The following TENM3 variants were observed in gnomAD, a reference collection of about 807,000 sequenced individuals.
TENM3 encodes teneurin-3.
TENM3 carries 63 observed loss-of-function variants against 255.1 expected under a neutral mutation model. The ratio of observed to expected loss-of-function variants is 0.25; its 90% confidence interval spans 0.20 to 0.30. The LOEUF (loss-of-function observed/expected upper bound fraction) is 0.30. Among genes scored for constraint, TENM3 ranks in the 10% least tolerant of loss-of-function variants. The pLI, the probability that TENM3 is intolerant of heterozygous loss-of-function variation, is 1.00. For missense variants in TENM3, 2,929 were observed against 3,461.1 expected (o/e 0.85, Z 3.86); for synonymous variants, 1,306 against 1,322.3 (o/e 0.99, Z 0.27).
chr4:182,104,588 T>A, the TENM3 span, among the ~76,000 whole-genome samples: 1 of 144,950 alleles, frequency 6.9e-6, no homozygotes, highest in Non-Finnish European at 1.5e-5. Flanking sequence ...CTTGGGTCAC[T>A]ATAACTTCTG....
chr4:181,853,902 T>A, the TENM3 span, among the ~76,000 whole-genome samples: 1 of 152,172 alleles, frequency 6.6e-6, no homozygotes, highest in African/African-American at 2.4e-5. Flanking sequence ...AAGCGTAAGA[T>A]CTCTGCCTTC....
rs534213224 is a variant in TENM3 at position 182,166,888 on chromosome 4, A to T, written c.-76+22134A>T. Among the ~76,000 whole-genome samples, 44 of 148,836 alleles carry T rather than the reference A, an allele frequency of 3.0e-4. 1 individual carries two copies. Among genetic ancestry groups the T allele is most frequent in the African/African-American group, 9.6e-4 (39 of 40,596 alleles). ...TGTTAAACTCTTGGGTTTTTTTTTT[A>T]AAGACTTAGAATATCATAAAGGTAT... On this transcript the variant is annotated intron_variant, in intron 1 of 2. Transcript: ENST00000512480.
chr4:181,559,033 T>C, the TENM3 span, among the ~76,000 whole-genome samples: 2 of 151,960 alleles, frequency 1.3e-5, no homozygotes, highest in Non-Finnish European at 1.5e-5. Flanking sequence ...TTATCTTCTG[T>C]TTGGTATTTC....
the TENM3 span, among the ~76,000 whole-genome samples, chr4:182,018,663 T>A: frequency 6.6e-6 from 1 of 152,244 alleles, no homozygotes; most frequent in Non-Finnish European, 1.5e-5. Flanking sequence ...TCCTTTCAGA[T>A]TCCTTACATG....
chr4:182,616,966 A>C (rs1749603582), intron 4 of TENM3, among the ~76,000 whole-genome samples: 1 of 152,216 alleles, frequency 6.6e-6, no homozygotes, highest in African/African-American at 2.4e-5. Flanking sequence ...TTATTTAAAT[A>C]AACTATTTTT....
chr4:181,720,318 C>T, the TENM3 span, among the ~76,000 whole-genome samples: 2 of 152,096 alleles, frequency 1.3e-5, no homozygotes, highest in Non-Finnish European at 2.9e-5. Flanking sequence ...CATTAATATT[C>T]TAAGCCAATA....
At chr4:181,730,213 A>G in the TENM3 span, among the ~76,000 whole-genome samples, 1 of 152,194 alleles carries the variant, frequency 6.6e-6, no homozygotes. Flanking sequence ...ACTTTGGGGC[A>G]GGGTTTTCGC....
chr4:181,915,037 T>G, the TENM3 span, among the ~76,000 whole-genome samples: 3 of 152,196 alleles, frequency 2.0e-5, no homozygotes, highest in South Asian at 6.2e-4. Context: ...GGCCGTTTTT[T>G]CCCAGTCTCC....
the TENM3 span, among the ~76,000 whole-genome samples, chr4:181,868,905 C>A: frequency 4.0e-5 from 6 of 151,878 alleles, no homozygotes; most frequent in African/African-American, 1.4e-4. Flanking sequence ...CTCTTGATTC[C>A]TGCTAATTTT....
intron 3 of TENM3, among the ~76,000 whole-genome samples, chr4:182,454,879 A>G (rs1016863270): frequency 6.6e-6 from 1 of 152,212 alleles, no homozygotes; most frequent in East Asian, 1.9e-4. Flanking sequence ...TAAGTGCTGC[A>G]TACAAGATTT....
chr4:182,654,010 C>T, intron 6 of TENM3, 117 bp downstream of exon 6: 1 of 939,036 alleles, frequency 1.1e-6, no homozygotes, highest in Non-Finnish European at 1.5e-6. Context: ...TTCGAAATTA[C>T]AGATATCATC....
the TENM3 span, among the ~76,000 whole-genome samples, chr4:181,676,415 T>G: frequency 7.6e-6 from 1 of 131,610 alleles, no homozygotes; most frequent in African/African-American, 3.8e-5. Flanking sequence ...TATGTGCAGG[T>G]TTGTTACATG....
the TENM3 span, among the ~76,000 whole-genome samples, chr4:181,984,370 A>T: frequency 6.6e-6 from 1 of 152,126 alleles, no homozygotes; most frequent in African/African-American, 2.4e-5. Context: ...ATGTATGCCT[A>T]TGACAGCGCT....
At chr4:182,614,507 TA>T (rs2152436650) in intron 4 of TENM3, among the ~76,000 whole-genome samples, 2 of 152,300 alleles carry the variant, frequency 1.3e-5, no homozygotes, top group South Asian at 4.1e-4. Context: ...TTTTATTACT[TA>T]TTACTTCTTA....
At chr4:181,465,423 A>C in the TENM3 span, among the ~76,000 whole-genome samples, 1 of 152,214 alleles carries the variant, frequency 6.6e-6, no homozygotes, top group African/African-American at 2.4e-5. Flanking sequence ...GCTCAGAAAC[A>C]AAGAGTGCTT....
At chr4:181,530,599 C>T in the TENM3 span, among the ~76,000 whole-genome samples, 1 of 152,162 alleles carries the variant, frequency 6.6e-6, no homozygotes, top group African/African-American at 2.4e-5. Context: ...TGAATTCAAG[C>T]AACTCTTAAT....
chr4:182,186,665 A>C (rs536482641), intron 1 of TENM3, among the ~76,000 whole-genome samples: 1 of 149,586 alleles, frequency 6.7e-6, no homozygotes, highest in South Asian at 2.1e-4. Context: ...CATTTGTCTT[A>C]ATTAAGTGCT....
chr4:181,963,438 A>G, the TENM3 span, among the ~76,000 whole-genome samples: 14 of 152,310 alleles, frequency 9.2e-5, no homozygotes, highest in African/African-American at 2.6e-4. Context: ...TCAAAGCTGG[A>G]TTTGCCCAAA....
the TENM3 span, among the ~76,000 whole-genome samples, chr4:181,525,662 A>G: frequency 2.0e-5 from 3 of 152,026 alleles, no homozygotes; most frequent in Admixed American, 6.6e-5. Flanking sequence ...TTGTTTTTGT[A>G]TAACTAGAAT....
Sources: allele counts gnomAD v4.1 joint callset (sites outside exome capture counted in the v4.1 genomes callset), GRCh38; gene constraint gnomAD v4.1.1; transcripts MANE v1.5; gene names NCBI Gene and HGNC (gene_info 2026-07-23, HGNC 2026-07-21).